The following ANGPTL5 variants were observed in gnomAD, a reference collection of about 807,000 sequenced individuals.
The protein encoded by ANGPTL5 is angiopoietin-related protein 5.
ANGPTL5 carries 34 observed loss-of-function variants against 39.4 expected under a neutral mutation model. That is an observed-to-expected ratio of 0.86 (90% CI 0.66 to 1.15). The LOEUF (loss-of-function observed/expected upper bound fraction) is 1.15, where lower values mean the gene tolerates loss of function less well. Among genes scored for constraint, ANGPTL5 ranks in the 50% most tolerant of loss-of-function variants. The pLI is 0.00. For missense variants in ANGPTL5, 467 were observed against 457.5 expected, an observed-to-expected ratio of 1.02 and a Z score of -0.19; for synonymous variants, 146 against 152.1, an observed-to-expected ratio of 0.96 and a Z score of 0.29.
chr11:101,895,062 C>G lies in ANGPTL5; in HGVS notation c.664G>C (p.Glu222Gln), dbSNP rs752625689. The change falls in exon 8 of 9, where the codon GAA becomes CAA. Residue 222 changes from glutamate to glutamine, a missense_variant and splice_region_variant. Coordinates refer to ENST00000334289, the MANE Select transcript of ANGPTL5 (RefSeq NM_178127.5). ...YLDGFGDLLGEFWLGLKKIFY... is the reference protein window; with the variant it reads ...YLDGFGDLLGQFWLGLKKIFY... The stretch of plus-strand genomic sequence containing the variant: ...ATCTTTTTCAGTCCTAGCCAAAATT[C>G]TCCTGTAAAAAAAATGCTTTGTTTT... The G allele has an allele frequency of 2.5e-6, 4 of 1,569,484 alleles. 1 individual carries two copies. In the Admixed American group the frequency reaches 7.1e-5, roughly 28 times the overall value.
intron 1 of ANGPTL5, among the ~76,000 whole-genome samples, chr11:101,909,987 G>A (rs187791710): frequency 3.6e-4 from 55 of 152,280 alleles, no homozygotes; most frequent in Non-Finnish European, 6.5e-4. Flanking sequence ...TTGTTTCTGT[G>A]TCCAACAAAA....
intron 3 of ANGPTL5, among the ~76,000 whole-genome samples, chr11:101,906,149 A>G (rs576891610): frequency 1.1e-4 from 16 of 152,294 alleles, no homozygotes; most frequent in South Asian, 6.2e-4. Context: ...TTCTCACTTT[A>G]TAAGATGAGA....
Position 101,891,105 on chromosome 11 carries a change from T to C in ANGPTL5, c.*174A>G, listed in dbSNP as rs1243847943. On this transcript the variant is annotated 3_prime_UTR_variant, in exon 9 of 9. Coordinates refer to ENST00000334289, the MANE Select transcript of ANGPTL5 (RefSeq NM_178127.5). ...AGTAAAAACATACAATAAGCCATGT[T>C]TTCTTTTATAGAATACTACAAAATT... The C allele has an allele frequency of 1.8e-6, 1 of 555,612 alleles. No homozygotes were observed. The highest frequency in any genetic ancestry group is 3.0e-5 in the East Asian group (1 of 33,206). 34.4% of individuals were successfully genotyped at this position (555,612 alleles called of 1,614,324 possible). A position where few individuals can be genotyped will look rare whatever the true frequency, so the allele number is the denominator to read the frequency against.
At chr11:101,892,757 C>G (rs571643004) in intron 8 of ANGPTL5, among the ~76,000 whole-genome samples, 1 of 152,154 alleles carries the variant, frequency 6.6e-6, no homozygotes, top group African/African-American at 2.4e-5. Context: ...AAGCCATATG[C>G]AATCTGTGGA....
At chr11:101,906,988 A>G (rs1419712006) in intron 3 of ANGPTL5, 115 bp downstream of exon 3, 1 of 775,974 alleles carries the variant, frequency 1.3e-6, no homozygotes, top group Non-Finnish European at 2.0e-6. Context: ...CTGGCCTAGG[A>G]TGATCAGGAT....
intron 6 of ANGPTL5, 151 bp downstream of exon 6, chr11:101,902,470 A>G (rs188563786): frequency 3.0e-6 from 2 of 671,818 alleles, no homozygotes; most frequent in East Asian, 5.9e-5. Flanking sequence ...TAAAAAACCA[A>G]AATTTTGAAA....
At chr11:101,907,757 A>G in intron 2 of ANGPTL5, 57 bp downstream of exon 2, 3 of 1,132,104 alleles carry the variant, frequency 2.6e-6, no homozygotes, top group Non-Finnish European at 4.0e-6. Flanking sequence ...ATTCTAATAT[A>G]TATCTTGAAA....
intron 7 of ANGPTL5, among the ~76,000 whole-genome samples, chr11:101,899,134 G>A (rs904416862): frequency 6.6e-6 from 1 of 152,182 alleles, no homozygotes; most frequent in African/African-American, 2.4e-5. Flanking sequence ...GCCAGGTTTT[G>A]GTATCAGGAT....
chr11:101,895,930 G>A (rs1186187926), intron 7 of ANGPTL5, among the ~76,000 whole-genome samples: 1 of 152,054 alleles, frequency 6.6e-6, no homozygotes. Flanking sequence ...TCAAATTATA[G>A]CTAAGATATT....
chr11:101,908,011 G>T lies in ANGPTL5; in HGVS notation c.-92-10C>A. 3 of 864,414 alleles carry T rather than the reference G, an allele frequency of 3.5e-6. No individual in the cohort carries two copies. The highest frequency in any genetic ancestry group is 5.6e-6 in the Non-Finnish European group (3 of 534,322). The allele number at this position is 864,414 out of a possible 1,614,324, so 53.5% of individuals were successfully genotyped here. A position where few individuals can be genotyped will look rare whatever the true frequency, so the allele number is the denominator to read the frequency against. ...CTTCAGTTAAAAACCTCTGGAAAGC[G>T]TACAACAAAAACATAAGCCAAAACT... On this transcript the variant is annotated splice_polypyrimidine_tract_variant and intron_variant, in intron 1 of 8. Coordinates refer to ENST00000334289, the MANE Select transcript of ANGPTL5 (RefSeq NM_178127.5).
At chr11:101,903,164 T>G (rs1939936914) in intron 5 of ANGPTL5, among the ~76,000 whole-genome samples, 1 of 152,148 alleles carries the variant, frequency 6.6e-6, no homozygotes, top group Non-Finnish European at 1.5e-5. Context: ...ACTATTCTAT[T>G]CCCAACTTCA....
chr11:101,894,441 G>A (rs1939756614), intron 8 of ANGPTL5, among the ~76,000 whole-genome samples: 1 of 152,180 alleles, frequency 6.6e-6, no homozygotes, highest in Admixed American at 6.5e-5. Context: ...CTGTCAGCCT[G>A]GATTCTTGCC....
At position 101,894,883 on chromosome 11, in the gene ANGPTL5, A is replaced by G; in HGVS notation, c.843T>C (p.Asn281=). Reference sequence around the variant, plus strand: ...TAGGAATAAAAAAAATCTTACCAGCATTTCCTGAATACCGTCCTAAGTGCA... The same window carrying G: ...TAGGAATAAAAAAAATCTTACCAGCGTTTCCTGAATACCGTCCTAAGTGCA... ...FKMHLGRYSG[N]AGDAFRGLKK... The change falls in exon 8 of 9, where the codon AAT becomes AAC. Residue 281 remains asparagine (N), a synonymous_variant. Coordinates refer to ENST00000334289, the MANE Select transcript of ANGPTL5 (RefSeq NM_178127.5). 2 of 1,611,960 alleles carry G rather than the reference A, an allele frequency of 1.2e-6. No individual in the cohort carries two copies. Among genetic ancestry groups the G allele is most frequent in the South Asian group, 1.1e-5 (1 of 90,972 alleles).
intron 7 of ANGPTL5, among the ~76,000 whole-genome samples, chr11:101,895,910 T>A (rs922851576): frequency 1.3e-5 from 2 of 152,162 alleles, no homozygotes; most frequent in South Asian, 4.1e-4. Context: ...CATGACAGCA[T>A]TCAAACTCTT....
intron 5 of ANGPTL5, among the ~76,000 whole-genome samples, chr11:101,903,710 A>G (rs963737988): frequency 3.3e-5 from 5 of 152,110 alleles, no homozygotes; most frequent in African/African-American, 1.2e-4. Context: ...ATGCTCAGAG[A>G]CATGAAAGAA....
Position 101,907,826 on chromosome 11 carries a change from TAC to T in ANGPTL5, c.82_83del (p.Val28ThrfsTer10), listed in dbSNP as rs1160571878. ...ICGEAVQGNCVHHSTDSSVVN... is the reference protein window; with the variant it reads ...ICGEAVQGNCXHHSTDSSVVN... ...CTAAAATTCTTACCGTAGAATGATG[TAC>T]ACAGTTACCTTGTACAGCTTCTCCA... On this transcript the variant is annotated frameshift_variant, in exon 2 of 9. Coordinates refer to ENST00000334289, the MANE Select transcript of ANGPTL5 (RefSeq NM_178127.5). LOFTEE classifies it high-confidence loss of function. The T allele has an allele frequency of 6.3e-7, 1 of 1,598,988 alleles. No individual in the cohort carries two copies. Among genetic ancestry groups the T allele is most frequent in the Non-Finnish European group, 8.6e-7 (1 of 1,166,484 alleles).
intron 6 of ANGPTL5, among the ~76,000 whole-genome samples, chr11:101,901,015 C>CTTTTTTTTTTTTTTTTTTTTTTTTT: frequency 1.0e-5 from 1 of 98,658 alleles, no homozygotes; most frequent in Non-Finnish European, 1.9e-5. Context: ...GCACCCCCGG[C>CTTTTTTTTTTTTTTTTTTTTTTTTT]TTTTTTTTTT....
chr11:101,912,115 C>A (rs749712152), intron 1 of ANGPTL5, among the ~76,000 whole-genome samples: 2 of 152,226 alleles, frequency 1.3e-5, no homozygotes, highest in Non-Finnish European at 2.9e-5. Flanking sequence ...ATAAGCTTCA[C>A]GAACATAAGG....
Position 101,891,323 on chromosome 11 carries a change from CAG to C in ANGPTL5, c.1121_1122del (p.Ser374CysfsTer6). 6.2e-7 allele frequency: 1 copy of C among 1,613,410 alleles called. No homozygotes were observed. The highest frequency in any genetic ancestry group is 1.3e-5 in the African/African-American group (1 of 74,978). On this transcript the variant is annotated frameshift_variant, in exon 9 of 9. Coordinates refer to ENST00000334289, the MANE Select transcript of ANGPTL5 (RefSeq NM_178127.5). LOFTEE classifies it high-confidence loss of function. The stretch of plus-strand genomic sequence containing the variant: ...TACATTCTTCTAATTTTCATTGAAA[CAG>C]ATTTAATCTTGACAGGTGAGTTGTT... ...TKNNSPVKIK[S>X]VSMKIRRMYN...
Sources: allele counts gnomAD v4.1 joint callset (sites outside exome capture counted in the v4.1 genomes callset), GRCh38; gene constraint gnomAD v4.1.1; transcripts MANE v1.5; gene names NCBI Gene and HGNC (gene_info 2026-07-23, HGNC 2026-07-21).